Variants in TIA1 observed in about 807,000 individuals in gnomAD.
TIA1 encodes cytotoxic granule associated RNA binding protein TIA1.
TIA1 carries 23 observed loss-of-function variants against 65.9 expected under a neutral mutation model. The observed-to-expected ratio is 0.35, with a 90% CI of 0.25 to 0.49. TIA1 has a LOEUF of 0.49. TIA1 is among the 20% of genes least tolerant of loss of function. The pLI is 0.98. For missense variants in TIA1, 371 were observed against 477.9 expected, an observed-to-expected ratio of 0.78 and a Z score of 2.09; for synonymous variants, 147 against 149.4, an observed-to-expected ratio of 0.98 and a Z score of 0.12.
intron 1 of TIA1, among the ~76,000 whole-genome samples, chr2:70,246,688 C>G (rs1317047096): frequency 3.3e-5 from 5 of 152,148 alleles, no homozygotes; most frequent in Non-Finnish European, 7.4e-5. Flanking sequence ...GAGTTCGAGA[C>G]CAGCTTGGCC....
rs1683005504 is a variant in TIA1 at position 70,224,570 on chromosome 2, G to T, written c.458C>A (p.Ser153Tyr). 6.2e-7 allele frequency: 1 copy of T among 1,613,932 alleles called. No homozygotes were observed. The highest frequency in any genetic ancestry group is 1.3e-5 in the African/African-American group (1 of 74,996). Residue 153 changes from serine (S) to tyrosine (Y), a missense_variant, in exon 7 of 13, where the codon TCC becomes TAC. Physicochemically the swap from Ser to Tyr is moderately radical, Grantham distance 144 (BLOSUM62 -2). Transcript: ENST00000433529. ...TGAGCTCACCCATTTGTTGAAAAAG[G>T]AGACAAAGCCATATCCCTTAGACTT... ...TGKSKGYGFV[S>Y]FFNKWDAENA...
chr2:70,245,159 G>A (rs571375685), intron 1 of TIA1, among the ~76,000 whole-genome samples: 1 of 152,112 alleles, frequency 6.6e-6, no homozygotes, highest in Non-Finnish European at 1.5e-5. Context: ...GCTAATTTTT[G>A]TATTTTTAGT....
Position 70,222,638 on chromosome 2 carries a change from G to A in TIA1, c.474+1916C>T, listed in dbSNP as rs1032770435. On this transcript the variant is annotated intron_variant, in intron 7 of 12. Coordinates refer to ENST00000433529, the MANE Select transcript of TIA1 (RefSeq NM_022173.4). The stretch of plus-strand genomic sequence containing the variant: ...ATAGAAGATTATATTATTTACTGCC[G>A]GGCGCAGTGGCTCACGCCTGTAATC... Among the ~76,000 whole-genome samples the A allele has an allele frequency of 6.6e-5, 10 of 152,256 alleles. No individual in the cohort carries two copies. In the East Asian group the frequency reaches 9.6e-4, roughly 15 times the overall value.
intron 5 of TIA1, 61 bp from the exon 6 acceptor site, chr2:70,227,883 C>T: frequency 8.8e-7 from 1 of 1,130,676 alleles, no homozygotes; most frequent in Non-Finnish European, 1.3e-6. Flanking sequence ...TTAAAAAGTA[C>T]TAAAATCTAT....
At position 70,239,754 on chromosome 2, in the gene TIA1, T is replaced by A. The variant is rs1216179267; in HGVS notation, c.27-3579A>T. 2.6e-5 allele frequency among the ~76,000 whole-genome samples: 4 copies of A among 152,148 alleles called. No individual in the cohort carries two copies. The East Asian group carries it at 7.7e-4, about 29-fold the overall frequency. ...GACATTTAACGATCAGGTAAAATAA[T>A]GGTACTCAAAAGAGAAAGTAACAGC... On this transcript the variant is annotated intron_variant, in intron 1 of 12. Coordinates refer to ENST00000433529, the MANE Select transcript of TIA1 (RefSeq NM_022173.4).
chr2:70,230,144 G>A (rs1685542332), intron 3 of TIA1, among the ~76,000 whole-genome samples: 1 of 151,052 alleles, frequency 6.6e-6, no homozygotes, highest in African/African-American at 2.4e-5. Context: ...TCCAGAGGCT[G>A]AGGCAGGAGA....
chr2:70,229,426 G>T, intron 3 of TIA1, 108 bp from the exon 4 acceptor site: 1 of 899,844 alleles, frequency 1.1e-6, no homozygotes, highest in Non-Finnish European at 1.7e-6. Context: ...AAACACTGAA[G>T]GAGATACCAG....
intron 1 of TIA1, among the ~76,000 whole-genome samples, chr2:70,236,706 A>G (rs893833315): frequency 7.2e-5 from 11 of 151,958 alleles, no homozygotes; most frequent in African/African-American, 2.7e-4. Flanking sequence ...GGCTCACTAC[A>G]ATCTCCACCT....
rs563985349 is a variant in TIA1, at chr2:70,234,642, A to T, written c.123+1437T>A. 5.3e-5 allele frequency among the ~76,000 whole-genome samples: 8 copies of T among 152,234 alleles called. No individual in the cohort carries two copies. The South Asian group carries it at 1.7e-3, about 32-fold the overall frequency. On this transcript the variant is annotated intron_variant, in intron 2 of 12. Transcript: ENST00000433529. ...AATGGTGCAATCTCGGCTCACTGCAACCTTCGCCTCCTGGGTTCAAACAAT... is the reference window on the plus strand; with the variant it reads ...AATGGTGCAATCTCGGCTCACTGCATCCTTCGCCTCCTGGGTTCAAACAAT...
chr2:70,227,059 T>C (rs1684117245), intron 6 of TIA1, among the ~76,000 whole-genome samples: 1 of 152,172 alleles, frequency 6.6e-6, no homozygotes, highest in Non-Finnish European at 1.5e-5. Context: ...AGAAGTTTTC[T>C]AAGCTAATTA....
At chr2:70,246,569 T>C (rs1371823074) in intron 1 of TIA1, among the ~76,000 whole-genome samples, 1 of 151,954 alleles carries the variant, frequency 6.6e-6, no homozygotes, top group African/African-American at 2.4e-5. Context: ...CAAGGCAAAA[T>C]AAGTAATAAA....
rs755634378 is a variant in TIA1, at chr2:70,229,327, A to G, written c.223-9T>C. ...CAATTCACTTTGACTTCCTAAAAAA[A>G]AAAAATTTCTACATTTATACTTCAC... On this transcript the variant is annotated splice_polypyrimidine_tract_variant and intron_variant, in intron 3 of 12. Transcript: ENST00000433529. 6.2e-7 allele frequency: 1 copy of G among 1,602,972 alleles called. No homozygotes were observed. The highest frequency in any genetic ancestry group is 1.1e-5 in the South Asian group (1 of 89,168).
intron 2 of TIA1, 136 bp downstream of exon 2, chr2:70,235,943 C>G (rs1688704908): frequency 2.1e-6 from 1 of 483,736 alleles, no homozygotes; most frequent in Non-Finnish European, 3.6e-6. Flanking sequence ...TAAACTAAGA[C>G]TATATTTAGA....
At position 70,218,530 on chromosome 2, in the gene TIA1, C is replaced by A. The variant is rs112100359; in HGVS notation, c.475-1536G>T. 6.1e-3 allele frequency among the ~76,000 whole-genome samples: 932 copies of A among 152,282 alleles called. 11 individuals are homozygous for A. Among genetic ancestry groups the A allele is most frequent in the African/African-American group, 0.022 (895 of 41,544 alleles). On this transcript the variant is annotated intron_variant, in intron 7 of 12. Transcript: ENST00000433529. ...CACTGCAAGCTCCGCCTCCTGGGTT[C>A]CTGCCATTCTCCTGTACAGGTGCCA... is the stretch of plus-strand genomic sequence containing the variant.
chr2:70,216,327 C>A, intron 9 of TIA1, 35 bp from the exon 10 acceptor site: 1 of 1,580,854 alleles, frequency 6.3e-7, no homozygotes, highest in South Asian at 1.2e-5. Context: ...ACAAATCACA[C>A]TAAGTTATAT....
chr2:70,217,033 A>G (rs1163829789), intron 7 of TIA1, 39 bp from the exon 8 acceptor site: 2 of 1,566,408 alleles, frequency 1.3e-6, no homozygotes, highest in East Asian at 4.5e-5. Flanking sequence ...AGAAGTCACT[A>G]TTAGTTGATG....
intron 6 of TIA1, among the ~76,000 whole-genome samples, chr2:70,226,465 G>A (rs952776023): frequency 3.3e-5 from 5 of 152,036 alleles, no homozygotes; most frequent in Non-Finnish European, 7.4e-5. Context: ...TGTTAGTCTT[G>A]AAAAATATTC....
intron 2 of TIA1, among the ~76,000 whole-genome samples, chr2:70,231,636 C>T (rs1384450454): frequency 6.6e-6 from 1 of 152,136 alleles, no homozygotes; most frequent in East Asian, 1.9e-4. Context: ...GACTGAACTC[C>T]TAAGTTCTGA....
intron 5 of TIA1, chr2:70,228,740 A>C (rs539023324): frequency 2.0e-4 from 194 of 985,326 alleles, no homozygotes; most frequent in Non-Finnish European, 2.0e-4. Flanking sequence ...TTGAGGAGCA[A>C]CTCAAGCATT....
Sources: allele counts gnomAD v4.1 joint callset (sites outside exome capture counted in the v4.1 genomes callset), GRCh38; gene constraint gnomAD v4.1.1; transcripts MANE v1.5; gene names NCBI Gene and HGNC (gene_info 2026-07-23, HGNC 2026-07-21).